The following DAPK1 variants were observed in gnomAD, a reference collection of about 807,000 sequenced individuals.
DAPK1 encodes the protein death-associated protein kinase 1.
In DAPK1, 56 loss-of-function variants were observed where a neutral mutation model predicts 144.9. The ratio of observed to expected loss-of-function variants is 0.39; its 90% CI spans 0.31 to 0.48. The LOEUF (loss-of-function observed/expected upper bound fraction) is 0.48. DAPK1 is among the 20% of genes least tolerant of loss of function. The probability of loss-of-function intolerance (pLI) is 0.95; values close to 1 mark genes in which losing one functional copy is unlikely to be tolerated. For synonymous variants in DAPK1, 690 were observed against 749.0 expected, an observed-to-expected ratio of 0.92 and a Z score of 1.29; for missense variants, 1,454 against 1,875.4, an observed-to-expected ratio of 0.78 and a Z score of 4.15.
At chr9:87,600,030 A>G (rs1828459406) in intron 2 of DAPK1, among the ~76,000 whole-genome samples, 1 of 152,182 alleles carries the variant, frequency 6.6e-6, no homozygotes, top group Non-Finnish European at 1.5e-5. Flanking sequence ...TGTGCTTAGA[A>G]ACACTAGACA....
intron 2 of DAPK1, among the ~76,000 whole-genome samples, chr9:87,541,551 A>C (rs75898479): frequency 4.6e-5 from 2 of 43,916 alleles, no homozygotes; most frequent in African/African-American, 1.6e-4. Context: ...TCTGTCTGGA[A>C]AAAAAAAAAA....
intron 2 of DAPK1, among the ~76,000 whole-genome samples, chr9:87,534,949 AT>A (rs1209917581): frequency 6.6e-6 from 1 of 151,960 alleles, no homozygotes; most frequent in African/African-American, 2.4e-5. Context: ...CCGATTCTTG[AT>A]TTATTTTCTG....
chr9:87,586,368 G>A (rs1393846372), intron 2 of DAPK1, among the ~76,000 whole-genome samples: 1 of 152,104 alleles, frequency 6.6e-6, no homozygotes. Context: ...GGACTACTCT[G>A]TCTCAAAGTA....
At chr9:87,702,789 G>A (rs1825499218) in intron 24 of DAPK1, among the ~76,000 whole-genome samples, 1 of 151,988 alleles carries the variant, frequency 6.6e-6, no homozygotes, top group Non-Finnish European at 1.5e-5. Context: ...CTTGTAGTCG[G>A]AGCTACTCAG....
chr9:87,632,431 T>C, intron 3 of DAPK1: 3 of 981,978 alleles, frequency 3.1e-6, no homozygotes, highest in Non-Finnish European at 2.4e-6. Context: ...AGGATAAGTG[T>C]GTATGTAAGG....
chr9:87,520,209 G>A (rs1825243808), intron 2 of DAPK1, among the ~76,000 whole-genome samples: 1 of 152,168 alleles, frequency 6.6e-6, no homozygotes, highest in Admixed American at 6.5e-5. Flanking sequence ...TGCACCTAGG[G>A]AGAAGAAGCA....
intron 18 of DAPK1, among the ~76,000 whole-genome samples, chr9:87,667,428 G>A (rs73483571): frequency 6.2e-4 from 94 of 152,262 alleles, no homozygotes; most frequent in African/African-American, 2.2e-3. Flanking sequence ...GGAGTTAGGG[G>A]GTGCTACTGC....
chr9:87,579,342 T>C (rs1306980997), intron 2 of DAPK1, among the ~76,000 whole-genome samples: 2 of 152,206 alleles, frequency 1.3e-5, no homozygotes, highest in Non-Finnish European at 2.9e-5. Flanking sequence ...GAGTGTGCAT[T>C]ACCCAGATAG....
At chr9:87,505,840 A>C (rs576867175) in intron 2 of DAPK1, among the ~76,000 whole-genome samples, 66 of 151,688 alleles carry the variant, frequency 4.4e-4, no homozygotes, top group Non-Finnish European at 8.4e-4. Context: ...GGCATGCATC[A>C]CCATACCTGG....
At chr9:87,640,230 T>TA in intron 7 of DAPK1, 68 bp from the exon 8 acceptor site, 1 of 1,458,636 alleles carries the variant, frequency 6.9e-7, no homozygotes, top group Non-Finnish European at 9.4e-7. Flanking sequence ...CTCCAGATGT[T>TA]ATAGGAGCAA....
Position 87,707,195 on chromosome 9 carries a change from C to T in DAPK1, c.4124C>T (p.Thr1375Ile). 4 of 1,614,188 alleles carry T rather than the reference C, an allele frequency of 2.5e-6. No homozygotes were observed. The South Asian group carries it at 4.4e-5, about 18-fold the overall frequency. The stretch of plus-strand genomic sequence containing the variant: ...ACCTACCCTGAGAGCACAGTGGGCA[C>T]CCTCATGTCCAAACTGAGGGAGCTG... ...WTTYPESTVG[T>I]LMSKLRELGR... is the part of the protein sequence containing the mutation. Residue 1375 changes from threonine to isoleucine, a missense_variant, in exon 26 of 26, where the codon ACC (threonine) becomes ATC (isoleucine). Physicochemically the swap from Thr to Ile is moderately conservative, Grantham distance 89. Around this residue, in one of 2 missense-constraint regions of DAPK1, gnomAD observed 1,025 missense variants for 1,237.9 expected, o/e 0.83. Coordinates refer to ENST00000408954, the MANE Select transcript of DAPK1 (RefSeq NM_004938.4). The surrounding 1 kb of genome is among the most constrained non-coding windows in gnomAD (Gnocchi z 4.0).
chr9:87,560,881 G>T (rs1466797680), intron 2 of DAPK1, among the ~76,000 whole-genome samples: 1 of 152,024 alleles, frequency 6.6e-6, no homozygotes, highest in Non-Finnish European at 1.5e-5. Flanking sequence ...GGCCAGGCTG[G>T]TCTTGAACTC....
At chr9:87,546,741 C>A (rs1349959211) in intron 2 of DAPK1, among the ~76,000 whole-genome samples, 1 of 152,200 alleles carries the variant, frequency 6.6e-6, no homozygotes, top group Non-Finnish European at 1.5e-5. Context: ...GTATTCCGTT[C>A]TCCCTCCTTT....
chr9:87,662,560 G>GTTTTGT lies in DAPK1; in HGVS notation c.1923+4437_1923+4438insGTTTTT, dbSNP rs1554700237. On this transcript the variant is annotated intron_variant, in intron 18 of 25. Coordinates refer to ENST00000408954, the MANE Select transcript of DAPK1 (RefSeq NM_004938.4). ...ACCTCCTTGGTTAAATATATTCCTAGTTTTTTTTTTTTTTTTTTTTTTTTT... is the reference window on the plus strand; with the variant it reads ...ACCTCCTTGGTTAAATATATTCCTAGTTTTGTTTTTTTTTTTTTTTTTTTTTTTTTT... Among the ~76,000 whole-genome samples, 85 of 32,142 alleles carry GTTTTGT rather than the reference G, an allele frequency of 2.6e-3. 1 individual carries two copies. Among genetic ancestry groups the GTTTTGT allele is most frequent in the South Asian group, 5.6e-3 (4 of 720 alleles). The allele number at this position is 32,142 out of a possible 152,430, so 21.1% of individuals were successfully genotyped here. A position where few individuals can be genotyped will look rare whatever the true frequency, so the allele number is the denominator to read the frequency against.
At chr9:87,668,319 G>C in intron 18 of DAPK1, 1 of 424,952 alleles carries the variant, frequency 2.4e-6, no homozygotes, top group Non-Finnish European at 4.3e-6. Context: ...GGAGGCTGTT[G>C]AGTTGTGATT....
intron 2 of DAPK1, among the ~76,000 whole-genome samples, chr9:87,586,866 C>T (rs1193439749): frequency 2.0e-5 from 3 of 152,210 alleles, no homozygotes; most frequent in East Asian, 1.9e-4. Flanking sequence ...TAGTAAAAAA[C>T]CTCTAAGTAA....
intron 17 of DAPK1, among the ~76,000 whole-genome samples, chr9:87,656,468 T>C (rs1242667741): frequency 6.6e-6 from 1 of 152,222 alleles, no homozygotes; most frequent in Non-Finnish European, 1.5e-5. Context: ...CTCCCTTACA[T>C]TGCATCTTCT....
Position 87,706,566 on chromosome 9 carries a change from G to A in DAPK1, c.3495G>A (p.Ala1165=), listed in dbSNP as rs554986924. The A allele has an allele frequency of 2.0e-5, 33 of 1,613,790 alleles. No individual in the cohort carries two copies. Among genetic ancestry groups the A allele is most frequent in the Admixed American group, 2.0e-4 (12 of 60,028 alleles). The part of the protein sequence containing the change: ...WIHQQSTEGD[A]DIRLWVNGCK... ...ACCAGCAAAGCACAGAGGGCGACGC[G>A]GACATCCGCCTGTGGGTGAATGGCT... The change falls in exon 26 of 26, where the codon GCG becomes GCA. Residue 1165 remains alanine (A), a synonymous_variant. Coordinates refer to ENST00000408954, the MANE Select transcript of DAPK1 (RefSeq NM_004938.4). The surrounding 1 kb of genome is among the most constrained non-coding windows in gnomAD (Gnocchi z 9.0).
chr9:87,541,544 GTCT>G (rs1826053141), intron 2 of DAPK1, among the ~76,000 whole-genome samples: 1 of 118,784 alleles, frequency 8.4e-6, no homozygotes, highest in African/African-American at 3.2e-5. Flanking sequence ...GCAAGACTCT[GTCT>G]GGAAAAAAAA....
Sources: allele counts gnomAD v4.1 joint callset (sites outside exome capture counted in the v4.1 genomes callset), GRCh38; gene constraint gnomAD v4.1.1; regional missense constraint gnomAD v4.1.1; non-coding constraint Gnocchi (gnomAD v3.1); transcripts MANE v1.5; gene names NCBI Gene and HGNC (gene_info 2026-07-23, HGNC 2026-07-21).